The following BCAN variants were observed in gnomAD, a reference collection of about 807,000 sequenced individuals.
The protein encoded by BCAN is brevican core protein.
BCAN carries 51 observed loss-of-function variants against 92.4 expected under a neutral mutation model. That is an observed-to-expected ratio of 0.55 (90% CI 0.44 to 0.70). The LOEUF (loss-of-function observed/expected upper bound fraction) is 0.70. Ranked by LOEUF, BCAN falls within the 30% of genes least tolerant of loss-of-function variation. The pLI is 0.00. For missense variants in BCAN, 1,140 were observed against 1,212.1 expected (o/e 0.94, Z 0.88); for synonymous variants, 501 against 505.2 (o/e 0.99, Z 0.11).
At position 156,656,279 on chromosome 1, in the gene BCAN, C is replaced by T. The variant is rs745884694; in HGVS notation, c.1943-3C>T. On this transcript the variant is annotated splice_polypyrimidine_tract_variant and splice_region_variant and intron_variant, in intron 8 of 13. Transcript: ENST00000329117. ...CCCCGCCTCACTTCTTTCCCCCTCT[C>T]AGGTGACTGTGTCCCCAGCCCCTGC... 2.0e-6 allele frequency: 3 copies of T among 1,473,532 alleles called. No individual in the cohort carries two copies. The highest frequency in any genetic ancestry group is 3.0e-5 in the African/African-American group (2 of 67,518). The allele number at this position is 1,473,532 out of a possible 1,614,324, so 91.3% of individuals were successfully genotyped here. A position where few individuals can be genotyped will look rare whatever the true frequency, so the allele number is the denominator to read the frequency against.
intron 2 of BCAN, 189 bp from the exon 3 acceptor site, chr1:156,646,612 C>T (rs1678973359): frequency 3.2e-6 from 3 of 947,698 alleles, no homozygotes; most frequent in East Asian, 2.9e-5. Context: ...TGGAGACCGT[C>T]GGGGTGGTCC....
At position 156,651,626 on chromosome 1, in the gene BCAN, G is replaced by A; in HGVS notation, c.1234G>A (p.Glu412Lys). ...RGAIYSIPIM[E>K]DGGGGSSTPE... Reference sequence around the variant, plus strand: ...GGCCATCTACTCCATCCCCATCATGGAGGACGGAGGAGGTGGAAGCTCCAC... The same window carrying A: ...GGCCATCTACTCCATCCCCATCATGAAGGACGGAGGAGGTGGAAGCTCCAC... Residue 412 changes from glutamate to lysine, a missense_variant, in exon 7 of 14, where the codon GAG becomes AAG. Physicochemically the swap from Glu to Lys is moderately conservative, Grantham distance 56. Coordinates refer to ENST00000329117, the MANE Select transcript of BCAN (RefSeq NM_021948.5). 6.2e-7 allele frequency: 1 copy of A among 1,613,814 alleles called. No individual in the cohort carries two copies. Among genetic ancestry groups the A allele is most frequent in the Non-Finnish European group, 8.5e-7 (1 of 1,180,028 alleles).
intron 8 of BCAN, 164 bp downstream of exon 8, chr1:156,653,056 C>T (rs140661629): frequency 4.9e-4 from 731 of 1,488,984 alleles, no homozygotes; most frequent in Admixed American, 9.9e-4. Context: ...TCTCCAATCT[C>T]GGATATCCAC....
chr1:156,657,533 G>A (rs1679375751), intron 10 of BCAN, 142 bp from the exon 11 acceptor site: 2 of 635,334 alleles, frequency 3.1e-6, no homozygotes, highest in East Asian at 5.9e-5. Flanking sequence ...CTTGAGCAGA[G>A]GCTGGGGTAG....
chr1:156,658,001 C>A lies in BCAN; in HGVS notation c.2293-126C>A. ...CCTTTCCCCTTCCCCGGGAGATCCCCTACCCCCTAGCCCTAACCTTCCCTC... is the reference window on the plus strand; with the variant it reads ...CCTTTCCCCTTCCCCGGGAGATCCCATACCCCCTAGCCCTAACCTTCCCTC... On this transcript the variant is annotated intron_variant, in intron 11 of 13. Transcript: ENST00000329117. The surrounding 1 kb of genome is among the most constrained non-coding windows in gnomAD (Gnocchi z 4.4). 1 of 1,155,552 alleles carries A rather than the reference C, an allele frequency of 8.7e-7. No individual in the cohort carries two copies. The highest frequency in any genetic ancestry group is 1.2e-6 in the Non-Finnish European group (1 of 820,094). 71.6% of individuals were successfully genotyped at this position (1,155,552 alleles called of 1,614,324 possible).
In BCAN at chr1:156,647,016, G is replaced by T. The variant is rs765228105; in HGVS notation, c.307G>T (p.Ala103Ser). The stretch of plus-strand genomic sequence containing the variant: ...GGGAGTGCGCGTCAAGGTGAACGAG[G>T]CCTACCGGTTCCGCGTGGCACTGCC... ...ARGVRVKVNE[A>S]YRFRVALPAY... Residue 103 changes from alanine to serine, a missense_variant, in exon 3 of 14, where the codon GCC becomes TCC. By Grantham distance (99) the Ala-to-Ser change is moderately conservative. Transcript: ENST00000329117. The surrounding 1 kb of genome is among the most constrained non-coding windows in gnomAD (Gnocchi z 4.8). The T allele has an allele frequency of 6.2e-7, 1 of 1,612,972 alleles. No individual in the cohort carries two copies. Among genetic ancestry groups the T allele is most frequent in the Non-Finnish European group, 8.5e-7 (1 of 1,179,510 alleles).
At chr1:156,656,684 G>T in intron 9 of BCAN, 2 of 551,270 alleles carry the variant, frequency 3.6e-6, no homozygotes, top group Non-Finnish European at 6.4e-6. Context: ...TGCTCGTTAG[G>T]ATGGAGACCC....
At chr1:156,643,182 G>A (rs1678846424) in intron 1 of BCAN, 1 of 152,198 alleles carries the variant, frequency 6.6e-6, no homozygotes, top group Non-Finnish European at 1.5e-5. Flanking sequence ...GTTACCCTTA[G>A]ACCCACCCAC....
Position 156,647,648 on chromosome 1 carries a change from T to C in BCAN, c.607T>C (p.Cys203Arg). 1 of 1,604,404 alleles carries C rather than the reference T, an allele frequency of 6.2e-7. No individual in the cohort carries two copies. The highest frequency in any genetic ancestry group is 8.5e-7 in the Non-Finnish European group (1 of 1,174,896). ...YAAYLGGYEQ[C>R]DAGWLSDQTV... The stretch of plus-strand genomic sequence containing the variant: ...CGCCTACCTTGGGGGCTATGAGCAA[T>C]GTGATGCTGGCTGGCTGTCGGATCA... The change falls in exon 4 of 14, where the codon TGT becomes CGT. Residue 203 changes from cysteine (C) to arginine (R), a missense_variant. Physicochemically the swap from Cys to Arg is radical, Grantham distance 180. Around this residue, in one of 3 missense-constraint regions of BCAN, gnomAD observed 286 missense variants for 284.1 expected, o/e 1.01. Coordinates refer to ENST00000329117, the MANE Select transcript of BCAN (RefSeq NM_021948.5). This position sits in a 1 kb window ranked among gnomAD's most constrained non-coding sequence, Gnocchi z 4.8.
At chr1:156,645,640 A>C (rs1445272341) in intron 1 of BCAN, among the ~76,000 whole-genome samples, 1 of 152,170 alleles carries the variant, frequency 6.6e-6, no homozygotes, top group East Asian at 1.9e-4. Context: ...TCTGAGTATA[A>C]GAGCACCCAC....
In BCAN at chr1:156,658,129, C is replaced by T. The variant is rs762814213; in HGVS notation, c.2295C>T (p.Leu765=). The T allele has an allele frequency of 1.2e-6, 2 of 1,613,818 alleles. No homozygotes were observed. The highest frequency in any genetic ancestry group is 1.7e-6 in the Non-Finnish European group (2 of 1,179,800). ...CACCACCTCCTCCGTTCCCCCAGCT[C>T]TATGAGAACTGGAACCCTGGGCAGC... ...DFLWSDGVPL[L]YENWNPGQPD... is the part of the protein sequence containing the mutation. The change falls in exon 12 of 14, where the codon CTC becomes CTT. Residue 765 remains leucine, a splice_region_variant and synonymous_variant. Coordinates refer to ENST00000329117, the MANE Select transcript of BCAN (RefSeq NM_021948.5). The surrounding 1 kb of genome is among the most constrained non-coding windows in gnomAD (Gnocchi z 4.4).
At chr1:156,646,006 G>A (rs763377708) in intron 1 of BCAN, 41 bp from the exon 2 acceptor site, 1 of 1,559,338 alleles carries the variant, frequency 6.4e-7, no homozygotes, top group South Asian at 1.1e-5. Flanking sequence ...AGTCCATCCT[G>A]AAGTCTAACC....
chr1:156,656,419 G>C (rs890501758), intron 9 of BCAN, 30 bp downstream of exon 9: 2 of 1,330,740 alleles, frequency 1.5e-6, no homozygotes, highest in Non-Finnish European at 9.7e-7. Context: ...GGGCAGGTTT[G>C]AAGCCTGGAC....
chr1:156,647,139 G>GATGACA lies in BCAN; in HGVS notation c.431_436dup (p.Asp145_Ser146insAsnAsp). 1 of 1,356,460 alleles carries GATGACA rather than the reference G, an allele frequency of 7.4e-7. No individual in the cohort carries two copies. The highest frequency in any genetic ancestry group is 1.2e-5 in the South Asian group (1 of 85,598). 84.0% of individuals were successfully genotyped at this position (1,356,460 alleles called of 1,614,324 possible). ...TCGCTGTGAGGTCCAGCACGGCATC[G>GATGACA]ATGACAGCAGCGACGCTGTGGAGGT... is the stretch of plus-strand genomic sequence containing the variant. On this transcript the variant is annotated inframe_insertion, in exon 3 of 14. Transcript: ENST00000329117. This position sits in a 1 kb window ranked among gnomAD's most constrained non-coding sequence, Gnocchi z 4.8.
Position 156,652,337 on chromosome 1 carries a change from G to C in BCAN, c.1387G>C (p.Glu463Gln), listed in dbSNP as rs1339919566. 6.2e-7 allele frequency: 1 copy of C among 1,613,902 alleles called. No individual in the cohort carries two copies. The highest frequency in any genetic ancestry group is 1.3e-5 in the African/African-American group (1 of 74,936). ...LEEEEKYEDEEEKEEEEEEEE... is the reference protein window; with the variant it reads ...LEEEEKYEDEQEKEEEEEEEE... ...GGAAGAAGAGAAATATGAAGATGAA[G>C]AAGAGAAAGAGGAGGAAGAAGAAGA... The change falls in exon 8 of 14, where the codon GAA (glutamate) becomes CAA (glutamine). Residue 463 changes from glutamate (E) to glutamine (Q), a missense_variant. Physicochemically the swap from Glu to Gln is conservative, Grantham distance 29. This residue lies in a region of BCAN where 825 missense variants were observed against 871.8 expected (regional missense o/e 0.95). Transcript: ENST00000329117.
chr1:156,647,864 G>C lies in BCAN; in HGVS notation c.642-119G>C, dbSNP rs1278797389. 8 of 1,552,232 alleles carry C rather than the reference G, an allele frequency of 5.2e-6. No individual in the cohort carries two copies. Among genetic ancestry groups the C allele is most frequent in the Non-Finnish European group, 7.1e-6 (8 of 1,125,178 alleles). On this transcript the variant is annotated intron_variant, in intron 4 of 13. Coordinates refer to ENST00000329117, the MANE Select transcript of BCAN (RefSeq NM_021948.5). The surrounding 1 kb of genome is among the most constrained non-coding windows in gnomAD (Gnocchi z 4.8). ...CATGTGCATCCCTGCAGTGCTAGAA[G>C]GACAGCCAGCTGTCAGCAAGTGTCT...
At position 156,659,396 on chromosome 1, in the gene BCAN, C is replaced by A. The variant is rs918805660; in HGVS notation, c.*262C>A. On this transcript the variant is annotated 3_prime_UTR_variant, in exon 14 of 14. Coordinates refer to ENST00000329117, the MANE Select transcript of BCAN (RefSeq NM_021948.5). ...AGTGCCTCAACTGCCCTCTCCCTGG[C>A]AGCCATCTTGTCCCCTCTATTCCTC... 1.4e-5 allele frequency: 7 copies of A among 490,866 alleles called. No individual in the cohort carries two copies. The highest frequency in any genetic ancestry group is 2.5e-5 in the Non-Finnish European group (7 of 279,036). The allele number at this position is 490,866 out of a possible 1,614,324, so 30.4% of individuals were successfully genotyped here. A position where few individuals can be genotyped will look rare whatever the true frequency, so the allele number is the denominator to read the frequency against.
Position 156,647,539 on chromosome 1 carries a change from C to T in BCAN, c.498C>T (p.Ala166=), listed in dbSNP as rs747501974. 37 of 1,598,570 alleles carry T rather than the reference C, an allele frequency of 2.3e-5. 1 individual carries two copies. Among genetic ancestry groups the T allele is most frequent in the South Asian group, 1.1e-4 (10 of 88,716 alleles). The part of the protein sequence containing the change: ...GVVFLYREGS[A]RYAFSFSGAQ... Reference sequence around the variant, plus strand: ...TCTTTCTCTACCGAGAGGGCTCTGCCCGCTATGCTTTCTCCTTTTCTGGGG... The same window carrying T: ...TCTTTCTCTACCGAGAGGGCTCTGCTCGCTATGCTTTCTCCTTTTCTGGGG... Residue 166 remains alanine, a synonymous_variant, in exon 4 of 14, where the codon GCC becomes GCT. Coordinates refer to ENST00000329117, the MANE Select transcript of BCAN (RefSeq NM_021948.5). This position sits in a 1 kb window ranked among gnomAD's most constrained non-coding sequence, Gnocchi z 4.8.
At position 156,648,715 on chromosome 1, in the gene BCAN, T is replaced by C; in HGVS notation, c.917T>C (p.Leu306Pro). 6.2e-7 allele frequency: 1 copy of C among 1,613,774 alleles called. No individual in the cohort carries two copies. The highest frequency in any genetic ancestry group is 1.7e-5 in the Admixed American group (1 of 60,016). Residue 306 changes from leucine to proline, a missense_variant, in exon 6 of 14, where the codon CTA becomes CCA. By Grantham distance (98) the Leu-to-Pro change is moderately conservative. Around this residue, in one of 3 missense-constraint regions of BCAN, gnomAD observed 825 missense variants for 871.8 expected, o/e 0.95. Coordinates refer to ENST00000329117, the MANE Select transcript of BCAN (RefSeq NM_021948.5). Reference protein sequence around the residue: ...GGLDHCSPGWLADGSVRYPIV... With the variant: ...GGLDHCSPGWPADGSVRYPIV... ...CTGGACCACTGCAGCCCAGGGTGGCTAGCTGATGGCAGTGTGCGCTACCCC... is the reference window on the plus strand; with the variant it reads ...CTGGACCACTGCAGCCCAGGGTGGCCAGCTGATGGCAGTGTGCGCTACCCC...
Sources: gnomAD v4.1 joint callset for allele counts (sites outside exome capture counted in the v4.1 genomes callset) on GRCh38, gnomAD v4.1.1 for gene constraint, gnomAD v4.1.1 regional missense constraint, Gnocchi (gnomAD v3.1) non-coding constraint, MANE v1.5 for transcripts, NCBI Gene and HGNC (gene_info 2026-07-23, HGNC 2026-07-21) for gene names.